Variants in QTMAN observed in about 807,000 individuals in gnomAD.
The protein encoded by QTMAN is queuosine-tRNA mannosyltransferase, also known as tRNA-queuosine alpha-mannosyltransferase.
At chr2:143,975,909 G>A in the QTMAN span, among the ~76,000 whole-genome samples, 1 of 152,112 alleles carries the variant, frequency 6.6e-6, no homozygotes, top group Non-Finnish European at 1.5e-5. Flanking sequence ...GCATAATGTG[G>A]CCTATCCTAA....
At chr2:144,067,116 C>T in the QTMAN span, among the ~76,000 whole-genome samples, 1 of 152,184 alleles carries the variant, frequency 6.6e-6, no homozygotes, top group Non-Finnish European at 1.5e-5. Flanking sequence ...GTCTCACAAC[C>T]TCTTGATGGT....
At chr2:143,972,211 C>T in the QTMAN span, among the ~76,000 whole-genome samples, 191 of 152,238 alleles carry the variant, frequency 1.3e-3, no homozygotes, top group African/African-American at 4.5e-3. Context: ...ATGCCATATG[C>T]CATCTTCAAC....
chr2:144,106,162 TA>T, the QTMAN span, among the ~76,000 whole-genome samples: 2 of 152,114 alleles, frequency 1.3e-5, no homozygotes, highest in Non-Finnish European at 1.5e-5. Context: ...TGCCAAATTG[TA>T]AAGACCATCG....
At chr2:144,071,679 T>C in the QTMAN span, among the ~76,000 whole-genome samples, 110 of 152,204 alleles carry the variant, frequency 7.2e-4, 1 homozygote, top group Non-Finnish European at 1.5e-3. Context: ...CTAGCGGAGA[T>C]GAAAGGCCCA....
chr2:144,100,075 A>C, the QTMAN span, among the ~76,000 whole-genome samples: 1 of 152,200 alleles, frequency 6.6e-6, no homozygotes, highest in South Asian at 2.1e-4. Context: ...CCACATGCAA[A>C]AAGGCTTGTT....
the QTMAN span, chr2:144,007,428 T>C: frequency 1.9e-6 from 3 of 1,613,298 alleles, no homozygotes; most frequent in Admixed American, 3.3e-5. Context: ...ATCCTCTGAA[T>C]CTCTCTGCTC....
chr2:144,080,714 CA>C, the QTMAN span, among the ~76,000 whole-genome samples: 1 of 152,024 alleles, frequency 6.6e-6, no homozygotes, highest in Non-Finnish European at 1.5e-5. Flanking sequence ...TGCAAGTCAC[CA>C]GTACTTAATT....
At chr2:144,140,895 A>G in the QTMAN span, among the ~76,000 whole-genome samples, 1 of 152,066 alleles carries the variant, frequency 6.6e-6, no homozygotes, top group East Asian at 1.9e-4. Flanking sequence ...TGTATGGGGC[A>G]GATTTTTCTT....
the QTMAN span, among the ~76,000 whole-genome samples, chr2:144,100,922 T>G: frequency 1.5e-5 from 2 of 137,640 alleles, no homozygotes; most frequent in Non-Finnish European, 3.1e-5. Flanking sequence ...CAGGCTGGAC[T>G]GCAGTGGCAC....
At chr2:144,052,094 C>T in the QTMAN span, among the ~76,000 whole-genome samples, 210 of 152,276 alleles carry the variant, frequency 1.4e-3, no homozygotes, top group African/African-American at 4.8e-3. Context: ...CTCCAGAAAC[C>T]GAACAGTGCC....
chr2:143,952,892 C>T, the QTMAN span: 12 of 1,127,556 alleles, frequency 1.1e-5, no homozygotes, highest in African/African-American at 1.5e-5. Context: ...AAGACATTAC[C>T]ATCATAGCCA....
At chr2:144,036,314 G>A in the QTMAN span, among the ~76,000 whole-genome samples, 5 of 152,286 alleles carry the variant, frequency 3.3e-5, no homozygotes, top group East Asian at 7.7e-4. Context: ...AGCCTTGGCT[G>A]CATAATTATT....
chr2:144,167,500 G>A, the QTMAN span, among the ~76,000 whole-genome samples: 1 of 152,134 alleles, frequency 6.6e-6, no homozygotes, highest in African/African-American at 2.4e-5. Flanking sequence ...CATGTCAAGG[G>A]TGGGACCAGG....
At chr2:144,207,112 A>C in the QTMAN span, among the ~76,000 whole-genome samples, 2 of 152,222 alleles carry the variant, frequency 1.3e-5, no homozygotes, top group Non-Finnish European at 1.5e-5. Context: ...AATTCCTCAT[A>C]CTATTAGTGA....
the QTMAN span, among the ~76,000 whole-genome samples, chr2:143,968,982 T>C: frequency 1.3e-5 from 2 of 152,222 alleles, no homozygotes; most frequent in African/African-American, 4.8e-5. Context: ...AGGCTCCCTA[T>C]TCCTTATCTT....
the QTMAN span, among the ~76,000 whole-genome samples, chr2:144,209,024 A>C: frequency 3.3e-5 from 5 of 152,022 alleles, no homozygotes; most frequent in African/African-American, 1.2e-4. Flanking sequence ...TATTTTTCTG[A>C]TTTGTTTTCC....
chr2:144,104,111 G>A, the QTMAN span, among the ~76,000 whole-genome samples: 6,796 of 151,916 alleles, frequency 0.045, 507 homozygotes, highest in African/African-American at 0.15. Context: ...AAATAAAGCC[G>A]GGGGAGGGGC....
the QTMAN span, among the ~76,000 whole-genome samples, chr2:144,174,199 C>A: frequency 6.6e-6 from 1 of 152,168 alleles, no homozygotes; most frequent in Non-Finnish European, 1.5e-5. Flanking sequence ...TCTCTTGGAG[C>A]AGCTTTCTTC....
chr2:144,111,685 T>A, the QTMAN span, among the ~76,000 whole-genome samples: 1 of 152,178 alleles, frequency 6.6e-6, no homozygotes, highest in South Asian at 2.1e-4. Flanking sequence ...CCAGCATTTG[T>A]TATCTTTAAA....
Sources: allele counts gnomAD v4.1 joint callset (sites outside exome capture counted in the v4.1 genomes callset), GRCh38; gene constraint gnomAD v4.1.1; transcripts MANE v1.5; gene names NCBI Gene and HGNC (gene_info 2026-07-23, HGNC 2026-07-21).